Variants in TIAM1 observed in about 807,000 individuals in gnomAD.
The protein encoded by TIAM1 is TIAM Rac1 associated GEF 1.
TIAM1 carries 65 observed loss-of-function variants against 163.5 expected under a neutral mutation model. The ratio of observed to expected loss-of-function variants is 0.40; its 90% confidence interval spans 0.33 to 0.49. The LOEUF (loss-of-function observed/expected upper bound fraction) is 0.49, where lower values mean the gene tolerates loss of function less well. TIAM1 is among the 20% of genes least tolerant of loss of function. The probability of loss-of-function intolerance (pLI) is 0.77; values close to 1 mark genes in which losing one functional copy is unlikely to be tolerated. For synonymous variants in TIAM1, 833 were observed against 810.1 expected (o/e 1.03, Z -0.48); for missense variants, 1,789 against 2,044.7 (o/e 0.87, Z 2.41).
intron 2 of TIAM1, among the ~76,000 whole-genome samples, chr21:31,433,863 T>C (rs2044123621): frequency 6.6e-6 from 1 of 152,122 alleles, no homozygotes; most frequent in African/African-American, 2.4e-5. Context: ...AGTGGTTTGA[T>C]CTCGGCTCAC....
intron 11 of TIAM1, among the ~76,000 whole-genome samples, chr21:31,203,440 T>G (rs2086303808): frequency 6.6e-6 from 1 of 152,222 alleles, no homozygotes. Flanking sequence ...AATTTGATGC[T>G]GAATGGGGGT....
Position 31,511,664 on chromosome 21 carries a change from T to C in TIAM1, c.-422+47263A>G, listed in dbSNP as rs904635042. On this transcript the variant is annotated intron_variant, in intron 1 of 28. Coordinates refer to the TIAM1 transcript ENST00000286827. ...CCGACGTATGCTTCTCTCAGTTGTA[T>C]GTGAAATCCCGAAGAATCCTGGGTC... is the stretch of plus-strand genomic sequence containing the variant. Among the ~76,000 whole-genome samples, 10 of 152,198 alleles carry C rather than the reference T, an allele frequency of 6.6e-5. No homozygotes were observed. The East Asian group carries it at 1.7e-3, about 26-fold the overall frequency.
At chr21:31,129,886 G>A (rs1004103858) in intron 25 of TIAM1, among the ~76,000 whole-genome samples, 19 of 152,102 alleles carry the variant, frequency 1.2e-4, no homozygotes, top group African/African-American at 2.4e-5. Flanking sequence ...AGAAGCACAG[G>A]CTCACTGTAC....
At chr21:31,151,422 G>A (rs1297815093) in intron 19 of TIAM1, among the ~76,000 whole-genome samples, 8 of 152,150 alleles carry the variant, frequency 5.3e-5, no homozygotes, top group African/African-American at 1.9e-4. Flanking sequence ...CAATATGGAC[G>A]GATCTCAGTA....
intron 3 of TIAM1, among the ~76,000 whole-genome samples, chr21:31,268,995 A>G (rs2072925488): frequency 1.3e-5 from 2 of 152,268 alleles, no homozygotes; most frequent in Non-Finnish European, 2.9e-5. Context: ...TAAATTTAAA[A>G]GAGGAAAGAA....
chr21:31,193,024 C>CA (rs1311430997), intron 13 of TIAM1, among the ~76,000 whole-genome samples: 1 of 152,178 alleles, frequency 6.6e-6, no homozygotes, highest in Admixed American at 6.5e-5. Context: ...CTGACTGATA[C>CA]AGCACAGCAT....
Position 31,143,350 on chromosome 21 carries a change from A to T in TIAM1, c.3476-1846T>A, listed in dbSNP as rs549196880. 1.7e-3 allele frequency among the ~76,000 whole-genome samples: 253 copies of T among 152,110 alleles called. 2 individuals carry two copies. Among genetic ancestry groups the T allele is most frequent in the African/African-American group, 5.8e-3 (239 of 41,458 alleles). Reference sequence around the variant, plus strand: ...TAACATGGCACTCCAGTGACTCGATACTTTTCATAACAGCACCTGGAATGT... The same window carrying T: ...TAACATGGCACTCCAGTGACTCGATTCTTTTCATAACAGCACCTGGAATGT... On this transcript the variant is annotated intron_variant, in intron 20 of 27. Coordinates refer to ENST00000541036, the MANE Select transcript of TIAM1 (RefSeq NM_001353694.2).
rs146832079 is a variant in TIAM1 at position 31,261,008 on chromosome 21, G to C, written c.963+5002C>G. Among the ~76,000 whole-genome samples the C allele has an allele frequency of 1.3e-3, 199 of 152,282 alleles. 2 individuals carry two copies. Among genetic ancestry groups the C allele is most frequent in the African/African-American group, 4.7e-3 (196 of 41,542 alleles). ...GCCCAGGAAACAAACTTATCTCTGA[G>C]TCATTGAAGCTCAGTTGCAAAATAA... is the stretch of plus-strand genomic sequence containing the variant. On this transcript the variant is annotated intron_variant, in intron 4 of 27. Transcript: ENST00000541036.
intron 1 of TIAM1, among the ~76,000 whole-genome samples, chr21:31,340,921 T>C (rs1194697455): frequency 1.2e-4 from 18 of 145,416 alleles, no homozygotes; most frequent in Non-Finnish European, 1.5e-5. Flanking sequence ...AGGGAAGAAA[T>C]GGTAAGATAA....
chr21:31,284,622 G>C (rs1310316094), intron 2 of TIAM1, among the ~76,000 whole-genome samples: 1 of 152,116 alleles, frequency 6.6e-6, no homozygotes, highest in Non-Finnish European at 1.5e-5. Flanking sequence ...AAGTTCAAGT[G>C]ATTCTCTTGC....
chr21:31,213,866 C>CCAAAAAAAAAA (rs71318260), intron 9 of TIAM1, among the ~76,000 whole-genome samples: 27 of 54,848 alleles, frequency 4.9e-4, no homozygotes, highest in African/African-American at 1.6e-3. Context: ...CTCATCTCTA[C>CCAAAAAAAAAA]AAAAAAAAAA....
At chr21:31,295,836 G>C (rs117368389) in intron 2 of TIAM1, among the ~76,000 whole-genome samples, 1 of 152,160 alleles carries the variant, frequency 6.6e-6, no homozygotes, top group East Asian at 1.9e-4. Context: ...TTTTTGAGAC[G>C]GATTGGGCTG....
At chr21:31,386,094 G>A (rs1324866414) in intron 2 of TIAM1, among the ~76,000 whole-genome samples, 2 of 152,160 alleles carry the variant, frequency 1.3e-5, no homozygotes, top group African/African-American at 4.8e-5. Context: ...CAGATGCTGG[G>A]GTATGCTATG....
At chr21:31,348,914 TG>T (rs1316601326), upstream of TIAM1, among the ~76,000 whole-genome samples, 1 of 152,204 alleles carries the variant, frequency 6.6e-6, no homozygotes, top group African/African-American at 2.4e-5. Context: ...TTTCTCTATC[TG>T]AAAACAGAAT....
intron 9 of TIAM1, among the ~76,000 whole-genome samples, chr21:31,213,866 C>CAAAAAAAAAAAAAAAAAAAAAA (rs35524539): frequency 7.3e-5 from 4 of 54,848 alleles, no homozygotes; most frequent in African/African-American, 1.9e-4. Flanking sequence ...CTCATCTCTA[C>CAAAAAAAAAAAAAAAAAAAAAA]AAAAAAAAAA....
intron 2 of TIAM1, among the ~76,000 whole-genome samples, chr21:31,278,259 G>A (rs2073392921): frequency 6.6e-6 from 1 of 152,220 alleles, no homozygotes; most frequent in African/African-American, 2.4e-5. Flanking sequence ...CAGAGAAAAT[G>A]CATGAAGAAT....
At chr21:31,402,754 C>G (rs1249325053) in intron 2 of TIAM1, among the ~76,000 whole-genome samples, 1 of 151,922 alleles carries the variant, frequency 6.6e-6, no homozygotes, top group African/African-American at 2.4e-5. Flanking sequence ...GCGAGACCAT[C>G]CTGGCTACCA....
intron 8 of TIAM1, among the ~76,000 whole-genome samples, chr21:31,221,454 C>T (rs1274766229): frequency 2.0e-5 from 3 of 152,184 alleles, no homozygotes; most frequent in African/African-American, 7.2e-5. Flanking sequence ...TTCAGCTGGC[C>T]AAATTTTAAT....
chr21:31,220,960 T>C (rs1480113998), intron 8 of TIAM1, among the ~76,000 whole-genome samples: 1 of 152,216 alleles, frequency 6.6e-6, no homozygotes, highest in Non-Finnish European at 1.5e-5. Flanking sequence ...GGAAGCTTTC[T>C]CAGTGAATGC....
Sources: gnomAD v4.1 joint callset for allele counts (sites outside exome capture counted in the v4.1 genomes callset) on GRCh38, gnomAD v4.1.1 for gene constraint, MANE v1.5 for transcripts, NCBI Gene and HGNC (gene_info 2026-07-23, HGNC 2026-07-21) for gene names.